The following CSGALNACT1 variants were observed in gnomAD, a reference collection of about 807,000 sequenced individuals.
The protein encoded by CSGALNACT1 is beta4GalNAcT-1.
Under a neutral mutation model 51.0 loss-of-function variants are expected in CSGALNACT1, and 52 were observed. The ratio of observed to expected loss-of-function variants is 1.02; its 90% CI spans 0.82 to 1.29. The LOEUF is 1.29. CSGALNACT1 is among the 50% of genes most tolerant of loss of function. The probability of loss-of-function intolerance (pLI) is 0.00; values close to 1 mark genes in which losing one functional copy is unlikely to be tolerated. For synonymous variants in CSGALNACT1, 341 were observed against 254.4 expected (o/e 1.34, Z -3.24); for missense variants, 935 against 679.2 (o/e 1.38, Z -4.19).
intron 1 of CSGALNACT1, among the ~76,000 whole-genome samples, chr8:19,639,003 C>G (rs937302672): frequency 3.9e-5 from 6 of 151,982 alleles, no homozygotes; most frequent in African/African-American, 1.5e-4. Context: ...TTTTTTATGG[C>G]TCACCAATAA....
chr8:19,519,624 G>A lies in CSGALNACT1; in HGVS notation c.-296-13494C>T, dbSNP rs1016861898. Among the ~76,000 whole-genome samples the A allele has an allele frequency of 4.6e-5, 7 of 152,270 alleles. No homozygotes were observed. The East Asian group carries it at 5.8e-4, about 13-fold the overall frequency. The stretch of plus-strand genomic sequence containing the variant: ...GAAGTGCCAAATCATGCTTTGATCC[G>A]AAGGCGAGAGTTGGAGGATACATGT... On this transcript the variant is annotated intron_variant, in intron 3 of 9. Coordinates refer to ENST00000454498, the Ensembl canonical transcript of CSGALNACT1.
intron 6 of CSGALNACT1, among the ~76,000 whole-genome samples, chr8:19,431,740 G>C (rs772975154): frequency 6.6e-6 from 1 of 151,980 alleles, no homozygotes; most frequent in Non-Finnish European, 1.5e-5. Flanking sequence ...TGACACACTA[G>C]TGTTAATTCT....
upstream of CSGALNACT1, among the ~76,000 whole-genome samples, chr8:19,684,293 T>C (rs2060844176): frequency 6.6e-6 from 1 of 152,208 alleles, no homozygotes; most frequent in African/African-American, 2.4e-5. Context: ...ATGGTAAAGG[T>C]GGCATTTCAA....
intron 1 of CSGALNACT1, among the ~76,000 whole-genome samples, chr8:19,675,157 C>T (rs2060085428): frequency 1.3e-5 from 2 of 152,114 alleles, no homozygotes; most frequent in African/African-American, 2.4e-5. Flanking sequence ...ATGGTAAGTG[C>T]CCAGCCATTC....
At chr8:19,411,892 G>A (rs904456845) in intron 8 of CSGALNACT1, among the ~76,000 whole-genome samples, 14 of 149,116 alleles carry the variant, frequency 9.4e-5, no homozygotes, top group African/African-American at 1.5e-4. Context: ...GTGCAGTGGT[G>A]TGACCTCGGC....
chr8:19,548,259 T>G (rs950275424), intron 3 of CSGALNACT1, among the ~76,000 whole-genome samples: 1 of 152,174 alleles, frequency 6.6e-6, no homozygotes, highest in African/African-American at 2.4e-5. Context: ...ATGCTTAATA[T>G]TGAAAATAAA....
chr8:19,582,539 G>T (rs1046237421), intron 3 of CSGALNACT1, among the ~76,000 whole-genome samples: 1 of 152,104 alleles, frequency 6.6e-6, no homozygotes, highest in Non-Finnish European at 1.5e-5. Context: ...CTAAGAGCTG[G>T]TCAGTTGAGT....
At chr8:19,750,966 A>C (rs1188239592) in intron 1 of CSGALNACT1, among the ~76,000 whole-genome samples, 5 of 152,184 alleles carry the variant, frequency 3.3e-5, no homozygotes, top group African/African-American at 1.2e-4. Context: ...GCTGCTAGAA[A>C]AAGCTACATA....
Position 19,461,772 on chromosome 8 carries a change from G to A in CSGALNACT1, c.635-3130C>T, listed in dbSNP as rs796904453. ...CACATTCACCATGGAGGGCGTATCT[G>A]CACAGCAGCCACATTCACCATGGAG... On this transcript the variant is annotated intron_variant, in intron 4 of 9. Transcript: ENST00000454498. Among the ~76,000 whole-genome samples the A allele has an allele frequency of 8.1e-4, 41 of 50,430 alleles. 3 individuals carry two copies. The East Asian group carries it at 0.031, about 38-fold the overall frequency. The allele number at this position is 50,430 out of a possible 152,430, so 33.1% of individuals were successfully genotyped here. A position where few individuals can be genotyped will look rare whatever the true frequency, so the allele number is the denominator to read the frequency against.
intron 4 of CSGALNACT1, among the ~76,000 whole-genome samples, chr8:19,492,593 C>A (rs1044244946): frequency 6.6e-6 from 1 of 152,198 alleles, no homozygotes; most frequent in Non-Finnish European, 1.5e-5. Flanking sequence ...ATGCCCCAGT[C>A]TGACTTAGAT....
At chr8:19,589,010 T>A (rs2047246003) in intron 3 of CSGALNACT1, among the ~76,000 whole-genome samples, 1 of 152,168 alleles carries the variant, frequency 6.6e-6, no homozygotes, top group South Asian at 2.1e-4. Flanking sequence ...ATGGTGAACA[T>A]CCTTTATGTC....
At chr8:19,705,533 C>G (rs1173355692) in intron 1 of CSGALNACT1, among the ~76,000 whole-genome samples, 2 of 152,038 alleles carry the variant, frequency 1.3e-5, no homozygotes, top group Admixed American at 6.5e-5. Flanking sequence ...CCCAGGAGCT[C>G]AAGACCAGCT....
At chr8:19,407,187 A>ATT (rs34176912) in intron 9 of CSGALNACT1, among the ~76,000 whole-genome samples, 30,015 of 150,514 alleles carry the variant, frequency 0.2, 3,174 homozygotes, top group Middle Eastern at 0.27. Context: ...TGACTTCAAC[A>ATT]TTTTTTTTTT....
chr8:19,485,641 C>G (rs991715157), intron 4 of CSGALNACT1, among the ~76,000 whole-genome samples: 3 of 152,016 alleles, frequency 2.0e-5, no homozygotes, highest in Non-Finnish European at 4.4e-5. Flanking sequence ...ATCATTCCTT[C>G]ACCCCTCCCA....
intron 3 of CSGALNACT1, among the ~76,000 whole-genome samples, chr8:19,552,304 C>G (rs1429916497): frequency 2.0e-5 from 3 of 152,100 alleles, no homozygotes; most frequent in Non-Finnish European, 4.4e-5. Flanking sequence ...GGAAAATTTA[C>G]TTACAGTGAA....
intron 1 of CSGALNACT1, among the ~76,000 whole-genome samples, chr8:19,610,594 C>T (rs2052100973): frequency 6.6e-6 from 1 of 152,132 alleles, no homozygotes; most frequent in Non-Finnish European, 1.5e-5. Context: ...GCCAGCAGGC[C>T]ACCAACCAGC....
At chr8:19,511,429 A>C (rs1367916914) in intron 3 of CSGALNACT1, among the ~76,000 whole-genome samples, 2 of 152,254 alleles carry the variant, frequency 1.3e-5, no homozygotes, top group Non-Finnish European at 2.9e-5. Context: ...CATAAACTCA[A>C]GTCATATCTC....
At chr8:19,538,349 A>G (rs1343324025) in intron 3 of CSGALNACT1, among the ~76,000 whole-genome samples, 1 of 152,066 alleles carries the variant, frequency 6.6e-6, no homozygotes, top group Non-Finnish European at 1.5e-5. Context: ...AACCCTCAAG[A>G]TTCAACAACA....
At chr8:19,519,688 G>A (rs1405744956) in intron 3 of CSGALNACT1, among the ~76,000 whole-genome samples, 2 of 152,202 alleles carry the variant, frequency 1.3e-5, no homozygotes, top group Non-Finnish European at 2.9e-5. Context: ...TCCCCTGGGT[G>A]AGACACTCTG....
Sources: gnomAD v4.1 joint callset for allele counts (sites outside exome capture counted in the v4.1 genomes callset) on GRCh38, gnomAD v4.1.1 for gene constraint, MANE v1.5 for transcripts, NCBI Gene and HGNC (gene_info 2026-07-23, HGNC 2026-07-21) for gene names.